CRTAC1: variants seen among roughly 807,000 people sequenced by gnomAD.
CRTAC1 encodes the protein cartilage acidic protein 1.
In CRTAC1, 37 loss-of-function variants were observed where a neutral mutation model predicts 67.8. That is an observed-to-expected ratio of 0.55 (90% CI 0.42 to 0.72). The LOEUF (loss-of-function observed/expected upper bound fraction) is 0.72. Ranked by LOEUF, CRTAC1 falls within the 30% of genes least tolerant of loss-of-function variation. The pLI is 0.00. For synonymous variants in CRTAC1, 348 were observed against 371.0 expected, an observed-to-expected ratio of 0.94 and a Z score of 0.71; for missense variants, 780 against 931.6, an observed-to-expected ratio of 0.84 and a Z score of 2.12.
chr10:97,907,836 A>T (rs2296415), intron 6 of CRTAC1, among the ~76,000 whole-genome samples, 177 bp downstream of exon 6: 117,888 of 151,998 alleles, frequency 0.78, 45,921 homozygotes, highest in East Asian at 0.92. Flanking sequence ...GCTGGAGCCA[A>T]GGGAGCTAAG....
intron 14 of CRTAC1, among the ~76,000 whole-genome samples, chr10:97,873,951 A>G (rs1027862203): frequency 1.3e-5 from 2 of 152,170 alleles, no homozygotes; most frequent in African/African-American, 4.8e-5. Flanking sequence ...TTCTTCTGTT[A>G]CTTGATGGGC....
At chr10:97,872,885 T>A (rs1564871375) in intron 14 of CRTAC1, among the ~76,000 whole-genome samples, 1 of 152,180 alleles carries the variant, frequency 6.6e-6, no homozygotes, top group Non-Finnish European at 1.5e-5. Context: ...GAGTGATGGA[T>A]GTGTCTTGTT....
At chr10:97,884,618 A>C (rs998422105) in intron 11 of CRTAC1, 2 of 408,932 alleles carry the variant, frequency 4.9e-6, no homozygotes, top group Non-Finnish European at 8.6e-6. Context: ...GCTGTTGAGC[A>C]CTTGAAGTGG....
chr10:97,902,843 A>C (rs145184881), intron 7 of CRTAC1, among the ~76,000 whole-genome samples: 149 of 152,122 alleles, frequency 9.8e-4, no homozygotes, highest in Admixed American at 1.6e-3. Flanking sequence ...CCAGGGAAAG[A>C]GGCTGTCTCC....
rs141885368 is a variant in CRTAC1, at chr10:97,994,602, G to A, written c.224+16536C>T. 6.2e-4 allele frequency among the ~76,000 whole-genome samples: 94 copies of A among 152,286 alleles called. 1 individual carries two copies. Among genetic ancestry groups the A allele is most frequent in the African/African-American group, 1.7e-3 (70 of 41,554 alleles). ...CCTCGTCTTCTCTCTGGATGTCATC[G>A]GCATTCTCTCAGGTTCCTCCATGAG... On this transcript the variant is annotated intron_variant, in intron 2 of 14. Coordinates refer to ENST00000370597, the MANE Select transcript of CRTAC1 (RefSeq NM_018058.7).
At chr10:97,865,982 T>C (rs1463887205) in intron 14 of CRTAC1, 3 of 448,212 alleles carry the variant, frequency 6.7e-6, no homozygotes, top group Non-Finnish European at 1.2e-5. Context: ...CTAGGAAGGC[T>C]GGGGTGGGGA....
intron 9 of CRTAC1, 72 bp from the exon 10 acceptor site, chr10:97,896,057 G>A: frequency 1.5e-6 from 2 of 1,365,262 alleles, no homozygotes; most frequent in Non-Finnish European, 1.0e-6. Context: ...TCCCAACCAA[G>A]TGCAGTATCC....
chr10:97,879,790 AG>A, intron 14 of CRTAC1: 1 of 1,439,870 alleles, frequency 6.9e-7, no homozygotes, highest in East Asian at 3.1e-5. Flanking sequence ...CCACCTAAAA[AG>A]GCCACTTGAG....
chr10:98,017,310 G>A (rs998067600), intron 1 of CRTAC1, among the ~76,000 whole-genome samples: 16 of 152,142 alleles, frequency 1.1e-4, no homozygotes, highest in African/African-American at 3.1e-4. Flanking sequence ...GTAACACCCC[G>A]TGTAAAGGCA....
intron 2 of CRTAC1, among the ~76,000 whole-genome samples, chr10:97,994,942 C>G (rs545317504): frequency 1.6e-4 from 25 of 152,326 alleles, no homozygotes; most frequent in Admixed American, 1.4e-3. Context: ...AGCTCCCAAG[C>G]AGGGAGAATC....
At chr10:97,948,638 T>G (rs1231920210) in intron 2 of CRTAC1, among the ~76,000 whole-genome samples, 1 of 151,856 alleles carries the variant, frequency 6.6e-6, no homozygotes, top group Non-Finnish European at 1.5e-5. Flanking sequence ...GGGCCTGGAA[T>G]TAAGAGGAAA....
chr10:97,888,733 C>T (rs1482979636), intron 11 of CRTAC1, among the ~76,000 whole-genome samples: 1 of 152,090 alleles, frequency 6.6e-6, no homozygotes, highest in Non-Finnish European at 1.5e-5. Flanking sequence ...CACCGCACAC[C>T]AGCAGCCTCG....
intron 6 of CRTAC1, 85 bp from the exon 7 acceptor site, chr10:97,904,899 A>G (rs2050590151): frequency 7.1e-7 from 1 of 1,416,102 alleles, no homozygotes; most frequent in Non-Finnish European, 9.3e-7. Context: ...TGTGACAAGC[A>G]ACTAGGGAGG....
At chr10:97,900,042 AC>A (rs138848131) in intron 8 of CRTAC1, among the ~76,000 whole-genome samples, 157 of 152,174 alleles carry the variant, frequency 1.0e-3, no homozygotes, top group Non-Finnish European at 2.1e-3. Context: ...CCTGGGCCTC[AC>A]CCCCTGAGAT....
At position 97,991,420 on chromosome 10, in the gene CRTAC1, T is replaced by TAATA. The variant is rs59622695; in HGVS notation, c.224+19714_224+19717dup. Among the ~76,000 whole-genome samples the TAATA allele has an allele frequency of 8.1e-3, 1,197 of 147,182 alleles. 29 individuals carry two copies. In the East Asian group the frequency reaches 0.086, roughly 11 times the overall value. The stretch of plus-strand genomic sequence containing the variant: ...AGAGGGGAACCCTGTCTTTTAAAAA[T>TAATA]AATAAATAAATAAATAAATAAATAA... On this transcript the variant is annotated intron_variant, in intron 2 of 14. Transcript: ENST00000370597.
chr10:97,908,295 G>A lies in CRTAC1; in HGVS notation c.716-148C>T, dbSNP rs2050642997. 6.4e-6 allele frequency: 5 copies of A among 785,666 alleles called. No individual in the cohort carries two copies. In the South Asian group the frequency reaches 9.1e-5, roughly 14 times the overall value. 48.7% of individuals were successfully genotyped at this position (785,666 alleles called of 1,614,324 possible). ...AATTCTGCTTCCCGTGCTTTCCTGA[G>A]CCTAAATCTGGGCTCATGGTCTCCA... On this transcript the variant is annotated intron_variant, in intron 5 of 14. Coordinates refer to ENST00000370597, the MANE Select transcript of CRTAC1 (RefSeq NM_018058.7).
At chr10:97,894,679 T>C (rs1340652232) in intron 11 of CRTAC1, among the ~76,000 whole-genome samples, 1 of 128,722 alleles carries the variant, frequency 7.8e-6, no homozygotes, top group Non-Finnish European at 1.6e-5. Flanking sequence ...ATTATAGGCA[T>C]GAGCCACTGT....
intron 11 of CRTAC1, among the ~76,000 whole-genome samples, chr10:97,887,533 CA>C (rs2050304709): frequency 6.6e-6 from 1 of 152,186 alleles, no homozygotes; most frequent in African/African-American, 2.4e-5. Flanking sequence ...CGTGAGTCAC[CA>C]CCACCAGCGG....
rs1393168132 is a variant in CRTAC1, at chr10:97,921,733, G to C, written c.558+1531C>G. ...TCCCCTGGCAGTCCTCAGGCCCCAG[G>C]GATGGCCAAGGTGGTGGCTGGACTC... On this transcript the variant is annotated intron_variant, in intron 4 of 14. Transcript: ENST00000370597. Among the ~76,000 whole-genome samples, 3 of 152,074 alleles carry C rather than the reference G, an allele frequency of 2.0e-5. No homozygotes were observed. The East Asian group carries it at 5.8e-4, about 29-fold the overall frequency.
Sources: allele counts gnomAD v4.1 joint callset (sites outside exome capture counted in the v4.1 genomes callset), GRCh38; gene constraint gnomAD v4.1.1; transcripts MANE v1.5; gene names NCBI Gene and HGNC (gene_info 2026-07-23, HGNC 2026-07-21).